Variants in SCPEP1 observed in about 807,000 individuals in gnomAD.
SCPEP1 encodes the protein serine carboxypeptidase 1.
A neutral mutation model predicts 63.8 loss-of-function variants in SCPEP1; 51 were observed. The observed-to-expected ratio is 0.80, with a 90% CI of 0.64 to 1.01. The LOEUF (loss-of-function observed/expected upper bound fraction) is 1.01, where lower values mean the gene tolerates loss of function less well. Ranked by LOEUF, SCPEP1 falls within the 50% of genes least tolerant of loss-of-function variation. The pLI, the probability that SCPEP1 is intolerant of heterozygous loss-of-function variation, is 0.00. For synonymous variants in SCPEP1, 204 were observed against 207.8 expected, an observed-to-expected ratio of 0.98 and a Z score of 0.16; for missense variants, 499 against 554.9, an observed-to-expected ratio of 0.90 and a Z score of 1.01.
chr17:56,986,846 C>T (rs1911237350), intron 3 of SCPEP1, among the ~76,000 whole-genome samples: 1 of 152,192 alleles, frequency 6.6e-6, no homozygotes, highest in African/African-American at 2.4e-5. Context: ...TGCGCGGCCT[C>T]TGGTCTTTCT....
At chr17:56,999,345 C>A (rs1418186293) in intron 10 of SCPEP1, among the ~76,000 whole-genome samples, 1 of 152,114 alleles carries the variant, frequency 6.6e-6, no homozygotes, top group Non-Finnish European at 1.5e-5. Flanking sequence ...ATAATGAAAT[C>A]CTTAGAGACC....
At position 57,006,219 on chromosome 17, in the gene SCPEP1, T is replaced by C; in HGVS notation, c.1343T>C (p.Val448Ala). ...ATGGCTCTGAAGATGATGAGACTGG[T>C]GACTCAGCAAGAATAGGATGGATGG... is the stretch of plus-strand genomic sequence containing the variant. ...GDMALKMMRLVTQQE is the reference protein window; with the variant it reads ...GDMALKMMRLATQQE The change falls in exon 13 of 13, where the codon GTG (valine) becomes GCG (alanine). Residue 448 changes from valine (V) to alanine (A), a missense_variant. Transcript: ENST00000262288. 1 of 1,611,766 alleles carries C rather than the reference T, an allele frequency of 6.2e-7. No individual in the cohort carries two copies. Among genetic ancestry groups the C allele is most frequent in the South Asian group, 1.1e-5 (1 of 90,798 alleles).
At position 56,978,501 on chromosome 17, in the gene SCPEP1, A is replaced by G. The variant is rs551781043; in HGVS notation, c.76+266A>G. Among the ~76,000 whole-genome samples the G allele has an allele frequency of 4.0e-5, 6 of 150,810 alleles. No homozygotes were observed. In the South Asian group the frequency reaches 1.3e-3, roughly 32 times the overall value. On this transcript the variant is annotated intron_variant, in intron 1 of 12. Coordinates refer to ENST00000262288, the MANE Select transcript of SCPEP1 (RefSeq NM_021626.3). ...TAGAAGCTGTGTGCAGAAATGTATG[A>G]TTTGGGGAAACTGCTGGTCAATGAG...
intron 5 of SCPEP1, among the ~76,000 whole-genome samples, chr17:56,990,788 C>T (rs901371314): frequency 1.3e-5 from 2 of 151,994 alleles, no homozygotes; most frequent in East Asian, 1.9e-4. Flanking sequence ...CGAGCACTAC[C>T]GTGCCTGGCT....
At chr17:56,995,840 G>T in intron 8 of SCPEP1, 2 of 309,824 alleles carry the variant, frequency 6.5e-6, no homozygotes, top group Admixed American at 5.3e-5. Flanking sequence ...AGGCCTGCAA[G>T]ACTTGCTTGT....
chr17:56,978,586 T>A (rs1461284215), intron 1 of SCPEP1, among the ~76,000 whole-genome samples: 1 of 152,152 alleles, frequency 6.6e-6, no homozygotes, highest in Non-Finnish European at 1.5e-5. Context: ...TCGTTTTATT[T>A]TAAGCTGAAA....
intron 3 of SCPEP1, among the ~76,000 whole-genome samples, chr17:56,986,377 G>A (rs1351814565): frequency 3.3e-5 from 5 of 151,854 alleles, no homozygotes; most frequent in African/African-American, 7.3e-5. Flanking sequence ...GCGCCAGCAC[G>A]CCCGGCTAAT....
At position 57,002,083 on chromosome 17, in the gene SCPEP1, A is replaced by G. The variant is rs1441289245; in HGVS notation, c.1198A>G (p.Lys400Glu). ...GCCTAAATTCAGTCAGCTGAAGTGGAAGGCCCTGTACAGTGACCCTAAATC... is the reference window on the plus strand; with the variant it reads ...GCCTAAATTCAGTCAGCTGAAGTGGGAGGCCCTGTACAGTGACCCTAAATC... ...ELPKFSQLKW[K>E]ALYSDPKSLE... Residue 400 changes from lysine (K) to glutamate (E), a missense_variant, in exon 12 of 13, where the codon AAG (lysine) becomes GAG (glutamate). Physicochemically the swap from Lys to Glu is moderately conservative, Grantham distance 56. Transcript: ENST00000262288. 4 of 1,614,166 alleles carry G rather than the reference A, an allele frequency of 2.5e-6. No individual in the cohort carries two copies. The South Asian group carries it at 3.3e-5, about 13-fold the overall frequency.
chr17:56,995,358 T>C, intron 7 of SCPEP1, 149 bp from the exon 8 acceptor site: 1 of 789,596 alleles, frequency 1.3e-6, no homozygotes, highest in Admixed American at 2.8e-5. Context: ...TTTCATCCAA[T>C]AAACATGTGG....
intron 12 of SCPEP1, among the ~76,000 whole-genome samples, chr17:57,003,338 G>C (rs1024511546): frequency 1.3e-5 from 2 of 152,114 alleles, no homozygotes; most frequent in South Asian, 4.1e-4. Context: ...ATTTGTCCAA[G>C]AAATACCATT....
intron 4 of SCPEP1, 140 bp from the exon 5 acceptor site, chr17:56,988,076 C>G: frequency 2.6e-6 from 2 of 761,266 alleles, no homozygotes; most frequent in East Asian, 2.7e-5. Context: ...ACGCAATAAT[C>G]AGATATGGAG....
At chr17:56,998,309 C>CAAA (rs367630962) in intron 9 of SCPEP1, 76 bp from the exon 10 acceptor site, 208 of 749,062 alleles carry the variant, frequency 2.8e-4, no homozygotes, top group South Asian at 4.6e-4. Flanking sequence ...GATTCTGTCT[C>CAAA]AAAAAAAAAA....
intron 10 of SCPEP1, 26 bp downstream of exon 10, chr17:56,998,524 C>T (rs752924701): frequency 7.8e-6 from 12 of 1,536,102 alleles, no homozygotes; most frequent in South Asian, 3.4e-5. Context: ...AATTAAGTGC[C>T]GTTTGTACAG....
At chr17:56,990,647 A>C (rs1253795003) in intron 5 of SCPEP1, among the ~76,000 whole-genome samples, 3 of 152,098 alleles carry the variant, frequency 2.0e-5, no homozygotes, top group Non-Finnish European at 2.9e-5. Context: ...TTTCTTTTTG[A>C]GACAGGATCT....
intron 3 of SCPEP1, among the ~76,000 whole-genome samples, chr17:56,985,922 C>T (rs911854057): frequency 2.6e-5 from 4 of 151,858 alleles, no homozygotes; most frequent in Non-Finnish European, 5.9e-5. Context: ...TCGTCTCTTC[C>T]TTCCCTCACC....
At chr17:56,981,572 T>C (rs1911069307) in intron 2 of SCPEP1, among the ~76,000 whole-genome samples, 1 of 152,140 alleles carries the variant, frequency 6.6e-6, no homozygotes, top group Non-Finnish European at 1.5e-5. Context: ...CCCAGAACTT[T>C]GGGAGGCCGA....
chr17:57,002,184 A>G lies in SCPEP1; in HGVS notation c.1296+3A>G, dbSNP rs1350156874. 1 of 1,611,862 alleles carries G rather than the reference A, an allele frequency of 6.2e-7. No individual in the cohort carries two copies. Among genetic ancestry groups the G allele is most frequent in the Non-Finnish European group, 8.5e-7 (1 of 1,179,344 alleles). On this transcript the variant is annotated splice_donor_region_variant and intron_variant, in intron 12 of 12. Transcript: ENST00000262288. ...GGATTCTGAAAGCTGGTCATATGGT[A>G]AGAAAGAGCTTTTGTTCCAGACTTA...
In SCPEP1 at chr17:57,006,220, G is replaced by A; in HGVS notation, c.1344G>A (p.Val448=). The A allele has an allele frequency of 1.9e-6, 3 of 1,611,692 alleles. No individual in the cohort carries two copies. The highest frequency in any genetic ancestry group is 2.2e-5 in the South Asian group (2 of 90,776). ...TGGCTCTGAAGATGATGAGACTGGT[G>A]ACTCAGCAAGAATAGGATGGATGGG... The part of the protein sequence containing the change: ...GDMALKMMRL[V]TQQE Residue 448 remains valine (V), a synonymous_variant, in exon 13 of 13, where the codon GTG becomes GTA. Transcript: ENST00000262288.
chr17:56,992,635 G>C (rs1453697324), intron 6 of SCPEP1, among the ~76,000 whole-genome samples: 1 of 152,132 alleles, frequency 6.6e-6, no homozygotes, highest in Non-Finnish European at 1.5e-5. Context: ...TACTTTACAT[G>C]TGCTAACTTC....
Sources: allele counts gnomAD v4.1 joint callset (sites outside exome capture counted in the v4.1 genomes callset), GRCh38; gene constraint gnomAD v4.1.1; transcripts MANE v1.5; gene names NCBI Gene and HGNC (gene_info 2026-07-23, HGNC 2026-07-21).